MYO10: variants seen among roughly 807,000 people sequenced by gnomAD.
The protein encoded by MYO10 is myosin X.
In MYO10, 133 loss-of-function variants were observed where a neutral mutation model predicts 257.3. The observed-to-expected ratio is 0.52, with a 90% CI of 0.45 to 0.60. The LOEUF (loss-of-function observed/expected upper bound fraction) is 0.60. MYO10 is among the 20% of genes least tolerant of loss of function. MYO10 has a pLI of 0.00. For synonymous variants in MYO10, 1,104 were observed against 1,028.6 expected (o/e 1.07, Z -1.40); for missense variants, 2,399 against 2,635.7 (o/e 0.91, Z 1.97).
intron 2 of MYO10, among the ~76,000 whole-genome samples, chr5:16,873,236 G>T (rs952689353): frequency 6.6e-6 from 1 of 152,190 alleles, no homozygotes; most frequent in Non-Finnish European, 1.5e-5. Context: ...AGAGGTTACA[G>T]GGCACAGACA....
At chr5:16,792,132 C>CACAG (rs755315207) in intron 4 of MYO10, among the ~76,000 whole-genome samples, 1,464 of 75,296 alleles carry the variant, frequency 0.019, 12 homozygotes, top group Non-Finnish European at 0.035. Context: ...CACACACACA[C>CACAG]AGAGAGAGAG....
At chr5:16,856,945 A>G (rs1442012082) in intron 2 of MYO10, among the ~76,000 whole-genome samples, 1 of 152,258 alleles carries the variant, frequency 6.6e-6, no homozygotes, top group East Asian at 1.9e-4. Context: ...AGAAGCATTT[A>G]AATAGGAATC....
At chr5:16,708,516 T>C (rs1251167044) in intron 21 of MYO10, among the ~76,000 whole-genome samples, 1 of 152,200 alleles carries the variant, frequency 6.6e-6, no homozygotes, top group Non-Finnish European at 1.5e-5. Flanking sequence ...ATCTCTAATG[T>C]TACTCCACTG....
chr5:16,742,143 T>C (rs959045923), intron 19 of MYO10: 2 of 985,014 alleles, frequency 2.0e-6, no homozygotes, highest in Non-Finnish European at 2.4e-6. Flanking sequence ...ATAATTTTTT[T>C]TTAAAAAAAG....
chr5:16,686,681 A>G (rs1264652431), intron 28 of MYO10, among the ~76,000 whole-genome samples: 1 of 151,632 alleles, frequency 6.6e-6, no homozygotes, highest in East Asian at 2.0e-4. Context: ...ACACACCACC[A>G]TGCCCGGCTA....
chr5:16,668,575 A>C, intron 39 of MYO10, 107 bp from the exon 40 acceptor site: 1 of 873,662 alleles, frequency 1.1e-6, no homozygotes, highest in South Asian at 2.3e-5. Context: ...GCAGAAGATT[A>C]AATATATTCG....
intron 1 of MYO10, among the ~76,000 whole-genome samples, chr5:16,879,481 T>C (rs757172081): frequency 2.6e-5 from 4 of 152,168 alleles, no homozygotes; most frequent in Non-Finnish European, 5.9e-5. Flanking sequence ...ATCAGGGTCA[T>C]GTGCTAAGAA....
intron 1 of MYO10, among the ~76,000 whole-genome samples, chr5:16,905,968 A>G (rs553873040): frequency 6.6e-6 from 1 of 152,328 alleles, no homozygotes; most frequent in Admixed American, 6.5e-5. Flanking sequence ...AAAGAAAAAG[A>G]GAAAGAAAAG....
intron 2 of MYO10, among the ~76,000 whole-genome samples, chr5:16,870,620 C>T (rs550958299): frequency 1.4e-5 from 2 of 146,352 alleles, no homozygotes; most frequent in African/African-American, 2.7e-5. Flanking sequence ...GCAGCAGGCA[C>T]GGTGACTCAC....
intron 1 of MYO10, among the ~76,000 whole-genome samples, chr5:16,879,916 G>A (rs547555799): frequency 2.0e-5 from 3 of 152,256 alleles, no homozygotes; most frequent in African/African-American, 7.2e-5. Context: ...GGTGGCTCAC[G>A]CCTATAATCC....
intron 25 of MYO10, among the ~76,000 whole-genome samples, chr5:16,700,410 C>T (rs1034953066): frequency 6.6e-6 from 1 of 152,210 alleles, no homozygotes; most frequent in Non-Finnish European, 1.5e-5. Flanking sequence ...GGCATGGTGG[C>T]TCACGCCTGT....
chr5:16,916,475 G>C (rs1191953097), intron 1 of MYO10: 2 of 176,308 alleles, frequency 1.1e-5, no homozygotes, highest in African/African-American at 4.8e-5. Context: ...TTGCTAGGAA[G>C]GGAAAAGAGG....
intron 19 of MYO10, among the ~76,000 whole-genome samples, chr5:16,731,384 C>T (rs1739576653): frequency 6.6e-6 from 1 of 151,012 alleles, no homozygotes; most frequent in Admixed American, 6.6e-5. Flanking sequence ...ACTCTTGTCA[C>T]CCAGGCAGGA....
intron 27 of MYO10, 97 bp from the exon 28 acceptor site, chr5:16,690,016 C>A: frequency 1.2e-6 from 1 of 865,736 alleles, no homozygotes; most frequent in East Asian, 2.5e-5. Context: ...GAGTTGGGAA[C>A]TGTCTGTTAC....
intron 3 of MYO10, among the ~76,000 whole-genome samples, chr5:16,809,046 T>C (rs1238572904): frequency 6.6e-6 from 1 of 151,984 alleles, no homozygotes; most frequent in Non-Finnish European, 1.5e-5. Flanking sequence ...AAATTGCCAC[T>C]CTCATGTGCT....
rs537749764 is a variant in MYO10 at position 16,857,706 on chromosome 5, G to A, written c.120+19903C>T. 1.0e-3 allele frequency among the ~76,000 whole-genome samples: 155 copies of A among 152,246 alleles called. 1 individual carries two copies. The highest frequency in any genetic ancestry group is 3.5e-3 in the African/African-American group (145 of 41,548). On this transcript the variant is annotated intron_variant, in intron 2 of 40. Transcript: ENST00000513610. ...TAGCAAGAAACATGAGTTTTGCCAC[G>A]GGCTACTTTAACCTCTTGAGCAAGG...
intron 2 of MYO10, among the ~76,000 whole-genome samples, chr5:16,839,255 G>A (rs534623544): frequency 1.1e-4 from 17 of 152,288 alleles, no homozygotes; most frequent in African/African-American, 3.9e-4. Context: ...AAGAACATCT[G>A]TGATTCATGA....
At chr5:16,690,651 G>A (rs549340233) in intron 27 of MYO10, among the ~76,000 whole-genome samples, 4 of 151,974 alleles carry the variant, frequency 2.6e-5, no homozygotes, top group Non-Finnish European at 5.9e-5. Flanking sequence ...ACCTCGGCCC[G>A]GCGTGAGCTC....
chr5:16,753,276 C>T (rs899594462), intron 19 of MYO10, among the ~76,000 whole-genome samples: 4 of 151,986 alleles, frequency 2.6e-5, no homozygotes, highest in African/African-American at 9.7e-5. Context: ...AGGCAATTCT[C>T]CTGCCTCAGC....
Sources: gnomAD v4.1 joint callset for allele counts (sites outside exome capture counted in the v4.1 genomes callset) on GRCh38, gnomAD v4.1.1 for gene constraint, MANE v1.5 for transcripts, NCBI Gene and HGNC (gene_info 2026-07-23, HGNC 2026-07-21) for gene names.